The following GRK5 variants were observed in gnomAD, a reference collection of about 807,000 sequenced individuals.
GRK5 encodes g protein-coupled receptor kinase GRK5.
GRK5 carries 40 observed loss-of-function variants against 78.4 expected under a neutral mutation model. That is an observed-to-expected ratio of 0.51 (90% CI 0.40 to 0.66). The LOEUF (loss-of-function observed/expected upper bound fraction) is 0.66, where lower values mean the gene tolerates loss of function less well. Among genes scored for constraint, GRK5 ranks in the 30% least tolerant of loss-of-function variants. The pLI is 0.00. For missense variants in GRK5, 598 were observed against 759.9 expected, an observed-to-expected ratio of 0.79 and a Z score of 2.50; for synonymous variants, 289 against 296.8, an observed-to-expected ratio of 0.97 and a Z score of 0.27.
chr10:119,424,859 CT>C (rs1274521024), intron 5 of GRK5, 133 bp from the exon 6 acceptor site: 2 of 675,828 alleles, frequency 3.0e-6, no homozygotes, highest in East Asian at 2.7e-5. Flanking sequence ...GGCAGGACCT[CT>C]GGCCAGACGT....
At chr10:119,317,004 T>C (rs1252910609) in intron 1 of GRK5, among the ~76,000 whole-genome samples, 1 of 152,140 alleles carries the variant, frequency 6.6e-6, no homozygotes, top group Non-Finnish European at 1.5e-5. Context: ...GGGCCTACCA[T>C]GAATGAAAAA....
At chr10:119,350,095 T>C (rs771188411) in intron 2 of GRK5, among the ~76,000 whole-genome samples, 6 of 152,080 alleles carry the variant, frequency 3.9e-5, no homozygotes, top group Non-Finnish European at 7.4e-5. Context: ...TGCCACAGGA[T>C]GGGGTAAGGA....
chr10:119,433,651 A>T (rs1852864477), intron 8 of GRK5, among the ~76,000 whole-genome samples: 1 of 152,090 alleles, frequency 6.6e-6, no homozygotes, highest in Non-Finnish European at 1.5e-5. Flanking sequence ...ATGTTGATGC[A>T]CCAGTTTTAC....
chr10:119,361,733 G>T (rs1851366228), intron 2 of GRK5, among the ~76,000 whole-genome samples: 1 of 152,150 alleles, frequency 6.6e-6, no homozygotes, highest in Non-Finnish European at 1.5e-5. Context: ...GGCTGAGGCG[G>T]GCAGATCACT....
rs1564879808 is a variant in GRK5, at chr10:119,292,161, TTCCTCCTCCTCCTCTTCC to T, written c.53-34343_53-34326del. Reference sequence around the variant, plus strand: ...CCTTCTCCTCCTCTTCCTCCTCCTCTTCCTCCTCCTCCTCTTCCTCCTCCTCCTCTTCCTCCTTCTCCT... The same window carrying T: ...CCTTCTCCTCCTCTTCCTCCTCCTCTTCCTCCTCCTCTTCCTCCTTCTCCT... On this transcript the variant is annotated intron_variant, in intron 1 of 15. Coordinates refer to ENST00000392870, the MANE Select transcript of GRK5 (RefSeq NM_005308.3). Among the ~76,000 whole-genome samples the T allele has an allele frequency of 9.5e-3, 49 of 5,138 alleles. 1 individual carries two copies. Among genetic ancestry groups the T allele is most frequent in the African/African-American group, 0.032 (47 of 1,492 alleles). 3.4% of individuals were successfully genotyped at this position (5,138 alleles called of 152,430 possible).
intron 3 of GRK5, among the ~76,000 whole-genome samples, chr10:119,388,240 G>A (rs1851832553): frequency 6.6e-6 from 1 of 152,074 alleles, no homozygotes; most frequent in African/African-American, 2.4e-5. Context: ...TGGATTACAG[G>A]CATGAGGCAC....
At chr10:119,241,656 G>A (rs930707948) in intron 1 of GRK5, among the ~76,000 whole-genome samples, 10 of 152,214 alleles carry the variant, frequency 6.6e-5, no homozygotes, top group Non-Finnish European at 1.0e-4. Flanking sequence ...TGAGACAGTC[G>A]GGGTGGCTGG....
rs1172193508 is a variant in GRK5, at chr10:119,378,941, C to G, written c.149-1874C>G. ...GGCTGTGACTAAGTGACGTGTCCAT[C>G]CGTGACCGTAGCACTGTGGCCAGGA... On this transcript the variant is annotated intron_variant, in intron 2 of 15. Transcript: ENST00000392870. The surrounding 1 kb of genome is among the most constrained non-coding windows in gnomAD (Gnocchi z 4.5). Among the ~76,000 whole-genome samples the G allele has an allele frequency of 1.5e-4, 23 of 152,320 alleles. No homozygotes were observed.
chr10:119,286,731 C>G (rs1474754443), intron 1 of GRK5, among the ~76,000 whole-genome samples: 1 of 152,234 alleles, frequency 6.6e-6, no homozygotes, highest in Non-Finnish European at 1.5e-5. Context: ...GAAGCGGTCA[C>G]TTTGGGGCTG....
At chr10:119,382,256 G>A (rs1851724247) in intron 3 of GRK5, among the ~76,000 whole-genome samples, 1 of 152,176 alleles carries the variant, frequency 6.6e-6, no homozygotes, top group Admixed American at 6.5e-5. Context: ...TGGGCTTCGG[G>A]CAGGCTCTTG....
At chr10:119,236,429 T>A (rs371699553) in intron 1 of GRK5, among the ~76,000 whole-genome samples, 1 of 152,102 alleles carries the variant, frequency 6.6e-6, no homozygotes, top group African/African-American at 2.4e-5. Flanking sequence ...TTAGCCAGGA[T>A]GGTCTCGATC....
rs1490971000 is a variant in GRK5, at chr10:119,264,544, G to C, written c.52+56575G>C. ...CTTAAAGTTAGCTATCCCTCAGCAA[G>C]AAAGACCACCTCTCCCAGCAGCTGT... On this transcript the variant is annotated intron_variant, in intron 1 of 15. Transcript: ENST00000392870. This position sits in a 1 kb window ranked among gnomAD's most constrained non-coding sequence, Gnocchi z 4.1. 1.3e-5 allele frequency among the ~76,000 whole-genome samples: 2 copies of C among 152,166 alleles called. No individual in the cohort carries two copies. The highest frequency in any genetic ancestry group is 2.9e-5 in the Non-Finnish European group (2 of 68,030).
At chr10:119,353,542 T>G (rs939681296) in intron 2 of GRK5, among the ~76,000 whole-genome samples, 2 of 152,200 alleles carry the variant, frequency 1.3e-5, no homozygotes, top group African/African-American at 4.8e-5. Flanking sequence ...TCCATATTCT[T>G]TGGTGAAAGC....
At chr10:119,221,251 G>A (rs182338150) in intron 1 of GRK5, among the ~76,000 whole-genome samples, 171 of 152,096 alleles carry the variant, frequency 1.1e-3, no homozygotes, top group African/African-American at 4.0e-3. Flanking sequence ...AATAATTAGC[G>A]TCAGCATGTA....
At chr10:119,366,078 G>T (rs938380790) in intron 2 of GRK5, among the ~76,000 whole-genome samples, 4 of 152,224 alleles carry the variant, frequency 2.6e-5, no homozygotes, top group African/African-American at 9.7e-5. Context: ...TTGGGCTTCT[G>T]TCCTGTTGGC....
At chr10:119,447,337 G>A (rs771895624) in intron 12 of GRK5, among the ~76,000 whole-genome samples, 66 of 152,176 alleles carry the variant, frequency 4.3e-4, no homozygotes, top group Non-Finnish European at 8.5e-4. Context: ...CTGGCCTTCA[G>A]GATCCTCTAT....
At chr10:119,247,875 A>G (rs1849138041) in intron 1 of GRK5, among the ~76,000 whole-genome samples, 1 of 152,216 alleles carries the variant, frequency 6.6e-6, no homozygotes, top group African/African-American at 2.4e-5. Flanking sequence ...ACATATATAT[A>G]CAGACAATCA....
chr10:119,341,758 C>G (rs1223078688), intron 2 of GRK5, among the ~76,000 whole-genome samples: 1 of 152,136 alleles, frequency 6.6e-6, no homozygotes, highest in Non-Finnish European at 1.5e-5. Context: ...ATATTTTGTT[C>G]TCCCCTGGAG....
chr10:119,272,592 AAG>A (rs10590150), intron 1 of GRK5, among the ~76,000 whole-genome samples: 34,851 of 120,852 alleles, frequency 0.29, 5,520 homozygotes, highest in Non-Finnish European at 0.35. Flanking sequence ...AAAAAAAAAA[AAG>A]AAAGAAAGAA....
Sources: allele counts gnomAD v4.1 joint callset (sites outside exome capture counted in the v4.1 genomes callset), GRCh38; gene constraint gnomAD v4.1.1; non-coding constraint Gnocchi (gnomAD v3.1); transcripts MANE v1.5; gene names NCBI Gene and HGNC (gene_info 2026-07-23, HGNC 2026-07-21).